NRG3: variants seen among roughly 807,000 people sequenced by gnomAD.
NRG3 encodes neuregulin 3, also known as pro-neuregulin-3, membrane-bound isoform.
NRG3 carries 31 observed loss-of-function variants against 66.9 expected under a neutral mutation model. The ratio of observed to expected loss-of-function variants is 0.46; its 90% CI spans 0.35 to 0.63. NRG3 has a LOEUF of 0.63. Among genes scored for constraint, NRG3 ranks in the 20% least tolerant of loss-of-function variants. The probability of loss-of-function intolerance (pLI) is 0.00; values close to 1 mark genes in which losing one functional copy is unlikely to be tolerated. For missense variants in NRG3, 910 were observed against 878.9 expected (o/e 1.04, Z -0.45); for synonymous variants, 393 against 359.4 (o/e 1.09, Z -1.06).
chr10:82,287,988 G>A lies in NRG3; in HGVS notation c.824-70751G>A, dbSNP rs114810713. 4.7e-3 allele frequency among the ~76,000 whole-genome samples: 718 copies of A among 152,266 alleles called. 6 individuals carry two copies. Among genetic ancestry groups the A allele is most frequent in the African/African-American group, 0.017 (688 of 41,542 alleles). ...ATATTTAATTCACCCCCAAATCAAG[G>A]CCAGTACTCAAGTCATTTTAGTAAA... is the stretch of plus-strand genomic sequence containing the variant. On this transcript the variant is annotated intron_variant, in intron 1 of 8. Coordinates refer to ENST00000372141, the MANE Select transcript of NRG3 (RefSeq NM_001010848.4).
intron 3 of NRG3, among the ~76,000 whole-genome samples, chr10:82,851,047 A>G (rs1411854251): frequency 6.6e-6 from 1 of 152,220 alleles, no homozygotes; most frequent in Non-Finnish European, 1.5e-5. Context: ...AACCGACTTT[A>G]TAATATTGCT....
intron 1 of NRG3, among the ~76,000 whole-genome samples, chr10:82,065,596 G>A (rs1322467104): frequency 6.6e-6 from 1 of 152,126 alleles, no homozygotes; most frequent in Non-Finnish European, 1.5e-5. Flanking sequence ...ACTGACAGAA[G>A]GGGGAAGAAT....
chr10:82,314,865 G>T (rs976148700), intron 1 of NRG3, among the ~76,000 whole-genome samples: 3 of 152,100 alleles, frequency 2.0e-5, no homozygotes, highest in African/African-American at 7.2e-5. Context: ...CGGGAGGTAA[G>T]CTGCCCCAGG....
At chr10:82,168,812 C>A (rs1412139723) in intron 1 of NRG3, among the ~76,000 whole-genome samples, 1 of 152,116 alleles carries the variant, frequency 6.6e-6, no homozygotes, top group African/African-American at 2.4e-5. Context: ...TTAGAGGTAT[C>A]ATTTCTGCCA....
chr10:82,822,249 T>C (rs531585304), intron 3 of NRG3, among the ~76,000 whole-genome samples: 2 of 152,198 alleles, frequency 1.3e-5, no homozygotes, highest in African/African-American at 2.4e-5. Flanking sequence ...CAGCACCACA[T>C]TCCAGAACTC....
At chr10:82,656,131 A>T (rs1429924505) in intron 2 of NRG3, among the ~76,000 whole-genome samples, 1 of 152,192 alleles carries the variant, frequency 6.6e-6, no homozygotes, top group South Asian at 2.1e-4. Flanking sequence ...AAACAAGTTC[A>T]TGTATTACTT....
At chr10:81,942,802 G>C (rs182903194) in intron 1 of NRG3, among the ~76,000 whole-genome samples, 1 of 152,142 alleles carries the variant, frequency 6.6e-6, no homozygotes, top group Non-Finnish European at 1.5e-5. Flanking sequence ...ACTGTATCCA[G>C]ATAGCCAATG....
At chr10:82,136,792 T>C (rs1341809118) in intron 1 of NRG3, among the ~76,000 whole-genome samples, 1 of 152,128 alleles carries the variant, frequency 6.6e-6, no homozygotes, top group African/African-American at 2.4e-5. Context: ...GTATAAATGC[T>C]CCCTCCGTGG....
At chr10:82,596,835 G>T (rs924599237) in intron 2 of NRG3, among the ~76,000 whole-genome samples, 4 of 152,128 alleles carry the variant, frequency 2.6e-5, no homozygotes, top group Admixed American at 2.6e-4. Context: ...GACTGCAAAA[G>T]TCAAAATATA....
intron 1 of NRG3, among the ~76,000 whole-genome samples, chr10:82,322,515 A>G (rs920752355): frequency 2.0e-5 from 3 of 152,288 alleles, no homozygotes; most frequent in Admixed American, 2.0e-4. Context: ...GATTTTATTA[A>G]AAGGATTATG....
intron 3 of NRG3, among the ~76,000 whole-genome samples, chr10:82,798,166 T>C (rs1002604034): frequency 3.9e-5 from 6 of 151,964 alleles, no homozygotes; most frequent in Non-Finnish European, 1.5e-5. Context: ...ATTTGTAACA[T>C]CACAAAACCC....
intron 2 of NRG3, among the ~76,000 whole-genome samples, chr10:82,527,295 T>C (rs750382633): frequency 4.8e-5 from 7 of 145,476 alleles, no homozygotes; most frequent in Non-Finnish European, 7.4e-5. Flanking sequence ...TAAAATGTAA[T>C]TCCATGTATG....
At chr10:82,885,169 T>C (rs534032650) in intron 4 of NRG3, among the ~76,000 whole-genome samples, 2 of 152,350 alleles carry the variant, frequency 1.3e-5, no homozygotes, top group Non-Finnish European at 2.9e-5. Flanking sequence ...ACAACTTTTC[T>C]AAATACTCTT....
At chr10:82,878,835 C>T (rs577716801) in intron 4 of NRG3, among the ~76,000 whole-genome samples, 1 of 152,300 alleles carries the variant, frequency 6.6e-6, no homozygotes, top group African/African-American at 2.4e-5. Flanking sequence ...AGAATGAAAT[C>T]TAGGCACTAT....
intron 2 of NRG3, among the ~76,000 whole-genome samples, chr10:82,410,741 AAAG>A (rs149392541): frequency 0.015 from 2,348 of 152,114 alleles, 43 homozygotes; most frequent in African/African-American, 0.046. Context: ...TATCTCAAGA[AAAG>A]AAGAAGTTCA....
intron 2 of NRG3, among the ~76,000 whole-genome samples, chr10:82,373,296 T>C (rs563419482): frequency 1.3e-5 from 2 of 152,342 alleles, no homozygotes; most frequent in South Asian, 4.1e-4. Context: ...AAAATACAGT[T>C]ATAGCTAACG....
At chr10:82,866,406 C>T (rs558072) in intron 4 of NRG3, among the ~76,000 whole-genome samples, 112,256 of 152,088 alleles carry the variant, frequency 0.74, 41,949 homozygotes, top group African/African-American at 0.86. Context: ...ATTTGAGAGA[C>T]GTTAAGTTGG....
chr10:82,741,823 T>A (rs1252583451), intron 3 of NRG3, among the ~76,000 whole-genome samples: 1 of 151,702 alleles, frequency 6.6e-6, no homozygotes, highest in Non-Finnish European at 1.5e-5. Flanking sequence ...ACAGGACATT[T>A]ATCACTCTAA....
chr10:82,620,391 G>A (rs1333675160), intron 2 of NRG3, among the ~76,000 whole-genome samples: 1 of 152,122 alleles, frequency 6.6e-6, no homozygotes, highest in Non-Finnish European at 1.5e-5. Flanking sequence ...GAAGGAAATG[G>A]CTCTCGGCAG....
Sources: gnomAD v4.1 joint callset for allele counts (sites outside exome capture counted in the v4.1 genomes callset) on GRCh38, gnomAD v4.1.1 for gene constraint, MANE v1.5 for transcripts, NCBI Gene and HGNC (gene_info 2026-07-23, HGNC 2026-07-21) for gene names.